The following PCDHA8 variants were observed in gnomAD, a reference collection of about 807,000 sequenced individuals.
PCDHA8 encodes the protein protocadherin alpha 8, also known as protocadherin alpha-8.
A neutral mutation model predicts 61.8 loss-of-function variants in PCDHA8; 53 were observed. That is an observed-to-expected ratio of 0.86 (90% CI 0.69 to 1.08). The LOEUF is 1.08. Ranked by LOEUF, PCDHA8 falls within the 50% of genes least tolerant of loss-of-function variation. The pLI is 0.00. For missense variants in PCDHA8, 1,293 were observed against 1,245.0 expected, an observed-to-expected ratio of 1.04 and a Z score of -0.58; for synonymous variants, 618 against 556.6, an observed-to-expected ratio of 1.11 and a Z score of -1.55.
intron 1 of PCDHA8, among the ~76,000 whole-genome samples, chr5:140,899,434 A>G (rs1583342387): frequency 6.6e-6 from 1 of 152,206 alleles, no homozygotes; most frequent in East Asian, 1.9e-4. Flanking sequence ...TCTTTTCTGC[A>G]TCTATTGAGA....
chr5:140,913,670 A>G (rs2076427033), intron 1 of PCDHA8, among the ~76,000 whole-genome samples: 1 of 152,090 alleles, frequency 6.6e-6, no homozygotes, highest in Non-Finnish European at 1.5e-5. Flanking sequence ...TAGTTAGGTT[A>G]TTTAAAATGA....
intron 1 of PCDHA8, chr5:140,861,112 C>T (rs1554154163): frequency 2.0e-5 from 3 of 152,522 alleles, no homozygotes; most frequent in Admixed American, 6.5e-5. Flanking sequence ...TTAAAAACTA[C>T]AAACACCCAT....
At chr5:140,884,503 AGGGAGTT>A (rs782338567) in intron 1 of PCDHA8, 2 of 1,613,940 alleles carry the variant, frequency 1.2e-6, no homozygotes, top group Non-Finnish European at 1.7e-6. Context: ...CCAGCGCGGC[AGGGAGTT>A]GGTCGTACTC....
intron 1 of PCDHA8, among the ~76,000 whole-genome samples, chr5:140,888,561 G>A (rs2061877783): frequency 6.6e-6 from 1 of 152,156 alleles, no homozygotes; most frequent in South Asian, 2.1e-4. Flanking sequence ...TTCCTTTCAA[G>A]GCTTCATTTT....
chr5:140,862,984 G>A (rs1420012474), intron 1 of PCDHA8: 1 of 546,626 alleles, frequency 1.8e-6, no homozygotes, highest in Non-Finnish European at 3.6e-6. Context: ...TGGTGGCGAA[G>A]GTGCGCACGG....
At chr5:140,886,461 A>G (rs1434440381) in intron 1 of PCDHA8, among the ~76,000 whole-genome samples, 2 of 152,116 alleles carry the variant, frequency 1.3e-5, no homozygotes, top group African/African-American at 2.4e-5. Context: ...TCATATATAA[A>G]TGTTTTTAAA....
chr5:140,955,603 C>T (rs898504105), intron 1 of PCDHA8, among the ~76,000 whole-genome samples: 1 of 152,146 alleles, frequency 6.6e-6, no homozygotes, highest in Non-Finnish European at 1.5e-5. Flanking sequence ...TTATAAATTA[C>T]CCAGTCTCAG....
chr5:140,969,399 AT>A, intron 1 of PCDHA8: 1 of 1,580,514 alleles, frequency 6.3e-7, no homozygotes, highest in Non-Finnish European at 8.6e-7. Context: ...ATATCCTGTG[AT>A]TTGGCTTTAT....
intron 3 of PCDHA8, among the ~76,000 whole-genome samples, chr5:141,008,665 T>A (rs2098385671): frequency 6.6e-6 from 1 of 152,210 alleles, no homozygotes; most frequent in Non-Finnish European, 1.5e-5. Context: ...CACAATACTT[T>A]ACATATACTT....
intron 1 of PCDHA8, chr5:140,882,343 G>A: frequency 6.2e-7 from 1 of 1,614,198 alleles, no homozygotes; most frequent in Non-Finnish European, 8.5e-7. Context: ...CAGCCTGGGA[G>A]ACGGGTAGTG....
chr5:140,942,359 C>T (rs943225700), intron 1 of PCDHA8, among the ~76,000 whole-genome samples: 5 of 151,564 alleles, frequency 3.3e-5, no homozygotes, highest in Non-Finnish European at 5.9e-5. Flanking sequence ...TTGCAGTTAA[C>T]GGAGATTGCA....
At chr5:140,848,770 G>A in intron 1 of PCDHA8, 1 of 1,593,518 alleles carries the variant, frequency 6.3e-7, no homozygotes, top group Non-Finnish European at 8.6e-7. Flanking sequence ...CGGATCGACC[G>A]CGAGGAGCTG....
At chr5:140,970,663 CAAAT>C (rs1216768545) in intron 1 of PCDHA8, among the ~76,000 whole-genome samples, 1 of 152,136 alleles carries the variant, frequency 6.6e-6, no homozygotes, top group Non-Finnish European at 1.5e-5. Flanking sequence ...GTTATCTTTC[CAAAT>C]AACTACTTTG....
chr5:140,946,611 A>AATATATAGATATATATATATAT (rs2093974557), intron 1 of PCDHA8, among the ~76,000 whole-genome samples: 1 of 86,814 alleles, frequency 1.2e-5, no homozygotes, highest in Non-Finnish European at 2.1e-5. Context: ...GAAAATGTGA[A>AATATATAGATATATATATATAT]ATATATATAT....
At chr5:140,985,682 C>T (rs1261119986) in intron 3 of PCDHA8, among the ~76,000 whole-genome samples, 3 of 151,710 alleles carry the variant, frequency 2.0e-5, no homozygotes, top group African/African-American at 4.8e-5. Flanking sequence ...GCCTGCCTTA[C>T]GCTAATCCTC....
At chr5:140,863,261 A>G (rs782771328) in intron 1 of PCDHA8, 17 of 1,449,886 alleles carry the variant, frequency 1.2e-5, no homozygotes, top group Non-Finnish European at 1.4e-5. Context: ...GAGGTCCGGG[A>G]GGCAGCGCTG....
intron 1 of PCDHA8, chr5:140,966,728 TCCG>T (rs1554228593): frequency 2.8e-6 from 4 of 1,404,870 alleles, no homozygotes; most frequent in Non-Finnish European, 3.7e-6. Flanking sequence ...AGCTGCCGCC[TCCG>T]GCCCTGCCCG....
chr5:140,966,514 A>G (rs2096013065), intron 1 of PCDHA8: 1 of 434,820 alleles, frequency 2.3e-6, no homozygotes, highest in Non-Finnish European at 4.0e-6. Flanking sequence ...CAGCAGCAGC[A>G]GGAAGCCGAG....
intron 1 of PCDHA8, among the ~76,000 whole-genome samples, chr5:140,949,015 T>A (rs1004348581): frequency 7.9e-5 from 12 of 151,734 alleles, no homozygotes; most frequent in Non-Finnish European, 1.2e-4. Context: ...ATATGTGATG[T>A]TTTTATTTTT....
Sources: gnomAD v4.1 joint callset for allele counts (sites outside exome capture counted in the v4.1 genomes callset) on GRCh38, gnomAD v4.1.1 for gene constraint, MANE v1.5 for transcripts, NCBI Gene and HGNC (gene_info 2026-07-23, HGNC 2026-07-21) for gene names.